LRFN5: variants seen among roughly 807,000 people sequenced by gnomAD.
LRFN5 encodes the protein leucine-rich repeat and fibronectin type-III domain-containing protein 5.
Under a neutral mutation model 45.6 loss-of-function variants are expected in LRFN5, and 24 were observed. That is an observed-to-expected ratio of 0.53 (90% CI 0.38 to 0.74). The LOEUF is 0.74. Among genes scored for constraint, LRFN5 ranks in the 30% least tolerant of loss-of-function variants. The pLI, the probability that LRFN5 is intolerant of heterozygous loss-of-function variation, is 0.00. For synonymous variants in LRFN5, 340 were observed against 313.8 expected, an observed-to-expected ratio of 1.08 and a Z score of -0.88; for missense variants, 776 against 861.5, an observed-to-expected ratio of 0.90 and a Z score of 1.24.
chr14:41,855,549 C>A (rs1889422621), intron 2 of LRFN5, among the ~76,000 whole-genome samples: 2 of 152,014 alleles, frequency 1.3e-5, no homozygotes, highest in African/African-American at 2.4e-5. Context: ...GTCGTAGGTA[C>A]TGGGGTGTAT....
chr14:41,868,297 A>T (rs1357526122), intron 2 of LRFN5, among the ~76,000 whole-genome samples: 1 of 152,172 alleles, frequency 6.6e-6, no homozygotes, highest in African/African-American at 2.4e-5. Context: ...AGTGGAAAGA[A>T]TGAACAATGG....
chr14:41,752,941 T>G (rs1885203288), intron 1 of LRFN5, among the ~76,000 whole-genome samples: 1 of 152,198 alleles, frequency 6.6e-6, no homozygotes, highest in Admixed American at 6.5e-5. Flanking sequence ...TTAATTTTTG[T>G]ATAAGGTGTA....
At chr14:41,720,027 A>G (rs60537670) in intron 1 of LRFN5, among the ~76,000 whole-genome samples, 6,904 of 151,974 alleles carry the variant, frequency 0.045, 344 homozygotes, top group African/African-American at 0.12. Context: ...TTGTCATATG[A>G]GTATATCGTG....
chr14:41,754,530 T>C (rs1885288443), intron 1 of LRFN5, among the ~76,000 whole-genome samples: 1 of 152,166 alleles, frequency 6.6e-6, no homozygotes, highest in Non-Finnish European at 1.5e-5. Flanking sequence ...CCATTTCTTC[T>C]AGATTTTCTA....
chr14:41,843,045 CTA>C (rs1888917909), intron 2 of LRFN5, among the ~76,000 whole-genome samples: 1 of 145,354 alleles, frequency 6.9e-6, no homozygotes. Flanking sequence ...TTCTCCCACT[CTA>C]TAGTTTGTTA....
intron 1 of LRFN5, among the ~76,000 whole-genome samples, chr14:41,711,795 G>A (rs1448070358): frequency 1.3e-5 from 2 of 152,074 alleles, no homozygotes; most frequent in Non-Finnish European, 2.9e-5. Context: ...CAACCAAGAA[G>A]AAGTCAAAGA....
chr14:41,727,564 T>C (rs1296024347), intron 1 of LRFN5, among the ~76,000 whole-genome samples: 1 of 152,144 alleles, frequency 6.6e-6, no homozygotes, highest in African/African-American at 2.4e-5. Flanking sequence ...AGTTTGAGGC[T>C]GTAGTCAGGT....
At chr14:41,881,734 T>C (rs1890387955) in intron 2 of LRFN5, among the ~76,000 whole-genome samples, 1 of 152,168 alleles carries the variant, frequency 6.6e-6, no homozygotes, top group South Asian at 2.1e-4. Flanking sequence ...TTTCTATTGA[T>C]TTGTCTTCAA....
intron 2 of LRFN5, among the ~76,000 whole-genome samples, chr14:41,817,433 G>A (rs1013765716): frequency 2.6e-4 from 40 of 152,088 alleles, no homozygotes; most frequent in African/African-American, 8.2e-4. Flanking sequence ...GAGTGGAGAA[G>A]CCTTCTATAA....
chr14:41,612,600 G>A (rs1887793666), intron 1 of LRFN5, among the ~76,000 whole-genome samples: 1 of 152,056 alleles, frequency 6.6e-6, no homozygotes, highest in Non-Finnish European at 1.5e-5. Flanking sequence ...ACTCTGTCTT[G>A]TTCAACAAGC....
intron 1 of LRFN5, among the ~76,000 whole-genome samples, chr14:41,734,054 T>A: frequency 7.0e-6 from 1 of 143,184 alleles, no homozygotes; most frequent in East Asian, 2.0e-4. Context: ...TGATGGAGTT[T>A]CACTCTTATT....
At chr14:41,618,414 T>C (rs1391289987) in intron 1 of LRFN5, among the ~76,000 whole-genome samples, 5 of 152,212 alleles carry the variant, frequency 3.3e-5, no homozygotes, top group Admixed American at 3.3e-4. Flanking sequence ...GCTTCTACTC[T>C]GCTCTTTTCA....
intron 1 of LRFN5, among the ~76,000 whole-genome samples, chr14:41,706,291 C>T (rs1054385029): frequency 2.4e-4 from 37 of 151,734 alleles, no homozygotes; most frequent in Non-Finnish European, 5.3e-4. Context: ...GTAGAGACAG[C>T]GTTTCTCCAT....
chr14:41,666,111 C>G (rs1004486099), intron 1 of LRFN5, among the ~76,000 whole-genome samples: 1 of 151,840 alleles, frequency 6.6e-6, no homozygotes, highest in Non-Finnish European at 1.5e-5. Context: ...TAAAAAGGGG[C>G]TAGAAGCAAC....
chr14:41,709,561 T>C (rs1013277093), intron 1 of LRFN5, among the ~76,000 whole-genome samples: 3 of 152,086 alleles, frequency 2.0e-5, no homozygotes, highest in Non-Finnish European at 4.4e-5. Context: ...GCCTATTGAA[T>C]ATCTTACCTG....
chr14:41,784,101 C>T (rs544303783), intron 2 of LRFN5, among the ~76,000 whole-genome samples: 4 of 152,092 alleles, frequency 2.6e-5, no homozygotes, highest in South Asian at 4.1e-4. Context: ...ATTCTATTAA[C>T]GACAAAATTT....
At chr14:41,880,334 A>C (rs1440516650) in intron 2 of LRFN5, among the ~76,000 whole-genome samples, 1 of 151,764 alleles carries the variant, frequency 6.6e-6, no homozygotes, top group Non-Finnish European at 1.5e-5. Flanking sequence ...CATTTCTTCT[A>C]TTTACTCTCT....
chr14:41,744,915 A>T (rs1884860098), intron 1 of LRFN5, among the ~76,000 whole-genome samples: 3 of 152,098 alleles, frequency 2.0e-5, no homozygotes. Flanking sequence ...ATGGAATTGA[A>T]GGGGAAAATA....
At chr14:41,670,184 C>G (rs1441674731) in intron 1 of LRFN5, among the ~76,000 whole-genome samples, 1 of 127,912 alleles carries the variant, frequency 7.8e-6, no homozygotes, top group East Asian at 2.5e-4. Context: ...TACACATTCT[C>G]TATATATATA....
Sources: allele counts gnomAD v4.1 joint callset (sites outside exome capture counted in the v4.1 genomes callset), GRCh38; gene constraint gnomAD v4.1.1; transcripts MANE v1.5; gene names NCBI Gene and HGNC (gene_info 2026-07-23, HGNC 2026-07-21).